The following GRIA1 variants were observed in gnomAD, a reference collection of about 807,000 sequenced individuals.
GRIA1 encodes the protein glutamate ionotropic receptor AMPA type subunit 1, also known as glutamate receptor 1.
GRIA1 carries 31 observed loss-of-function variants against 99.2 expected under a neutral mutation model. That is an observed-to-expected ratio of 0.31 (90% CI 0.23 to 0.42). The LOEUF (loss-of-function observed/expected upper bound fraction) is 0.42, where lower values mean the gene tolerates loss of function less well. Ranked by LOEUF, GRIA1 falls within the 10% of genes least tolerant of loss-of-function variation. GRIA1 has a pLI of 1.00. For synonymous variants in GRIA1, 438 were observed against 432.4 expected (o/e 1.01, Z -0.16); for missense variants, 782 against 1,157.5 (o/e 0.68, Z 4.71).
intron 12 of GRIA1, among the ~76,000 whole-genome samples, chr5:153,769,078 A>T (rs781455289): frequency 5.9e-5 from 9 of 152,186 alleles, no homozygotes; most frequent in Admixed American, 1.3e-4. Context: ...TAGCTTCCAC[A>T]TACTTGAGAC....
intron 13 of GRIA1, among the ~76,000 whole-genome samples, chr5:153,774,433 A>C (rs2149625285): frequency 6.6e-6 from 1 of 152,312 alleles, no homozygotes; most frequent in Non-Finnish European, 1.5e-5. Context: ...ACTACTCACA[A>C]GGCTGCAAAC....
Position 153,709,127 on chromosome 5 carries a change from C to T in GRIA1, c.1823+3060C>T, listed in dbSNP as rs1479898553. On this transcript the variant is annotated intron_variant, in intron 11 of 15. Transcript: ENST00000285900. ...TAGAGACTAAGAAGACAATGAAAAA[C>T]ATCAGTAGAAACTTTTGTTGTCATT... 4.6e-5 allele frequency among the ~76,000 whole-genome samples: 7 copies of T among 152,320 alleles called. No homozygotes were observed. The East Asian group carries it at 7.7e-4, about 17-fold the overall frequency.
At chr5:153,713,647 T>G (rs1414049044) in intron 11 of GRIA1, among the ~76,000 whole-genome samples, 1 of 152,206 alleles carries the variant, frequency 6.6e-6, no homozygotes, top group Non-Finnish European at 1.5e-5. Flanking sequence ...AATGAAACCA[T>G]CATTTTCTGT....
chr5:153,590,712 C>T (rs1429996998), intron 2 of GRIA1, among the ~76,000 whole-genome samples: 1 of 152,098 alleles, frequency 6.6e-6, no homozygotes, highest in Non-Finnish European at 1.5e-5. Flanking sequence ...GAAACAAGGG[C>T]ATCCTTATTT....
At chr5:153,753,892 A>C (rs1489069390) in intron 11 of GRIA1, among the ~76,000 whole-genome samples, 1 of 152,174 alleles carries the variant, frequency 6.6e-6, no homozygotes, top group East Asian at 1.9e-4. Flanking sequence ...CATAAAAAGT[A>C]ATGCTTTGTG....
At chr5:153,523,777 C>A (rs189102586) in intron 2 of GRIA1, among the ~76,000 whole-genome samples, 18 of 152,226 alleles carry the variant, frequency 1.2e-4, no homozygotes, top group Admixed American at 1.2e-3. Flanking sequence ...ATAGCTGTGT[C>A]CCTAGTATCA....
chr5:153,594,077 C>A (rs1484013752), intron 2 of GRIA1, among the ~76,000 whole-genome samples: 1 of 152,080 alleles, frequency 6.6e-6, no homozygotes, highest in Admixed American at 6.6e-5. Context: ...TTAAAAAGTC[C>A]AATGTTATTC....
intron 11 of GRIA1, among the ~76,000 whole-genome samples, chr5:153,738,609 G>T (rs78879239): frequency 0.016 from 2,372 of 151,680 alleles, 64 homozygotes; most frequent in African/African-American, 0.054. Flanking sequence ...TCTACCTCCT[G>T]ATTCCATTTG....
At chr5:153,689,036 CT>C (rs555242980) in intron 8 of GRIA1, among the ~76,000 whole-genome samples, 128 of 151,036 alleles carry the variant, frequency 8.5e-4, no homozygotes, top group Non-Finnish European at 1.5e-3. Flanking sequence ...TTCTTTCTTT[CT>C]TTCTTTTTTG....
At chr5:153,552,411 T>C (rs1357759916) in intron 2 of GRIA1, among the ~76,000 whole-genome samples, 1 of 152,104 alleles carries the variant, frequency 6.6e-6, no homozygotes, top group Non-Finnish European at 1.5e-5. Flanking sequence ...TAAAGGTATT[T>C]CAATTAGTGG....
intron 5 of GRIA1, among the ~76,000 whole-genome samples, chr5:153,659,207 T>C (rs1332241245): frequency 6.6e-6 from 1 of 152,220 alleles, no homozygotes; most frequent in Non-Finnish European, 1.5e-5. Context: ...GGAAAATTCT[T>C]ACTTCACATA....
At chr5:153,678,530 A>G (rs373347145) in intron 7 of GRIA1, among the ~76,000 whole-genome samples, 9 of 152,288 alleles carry the variant, frequency 5.9e-5, no homozygotes, top group African/African-American at 2.2e-4. Flanking sequence ...GGCAGCTTGC[A>G]GGGGAAAATT....
chr5:153,597,554 G>T (rs150096702), intron 2 of GRIA1, among the ~76,000 whole-genome samples: 1 of 152,260 alleles, frequency 6.6e-6, no homozygotes, highest in African/African-American at 2.4e-5. Context: ...TTGCTTCAGA[G>T]GATGATTGAG....
intron 2 of GRIA1, among the ~76,000 whole-genome samples, chr5:153,579,912 G>T (rs1299515744): frequency 6.6e-6 from 1 of 150,962 alleles, no homozygotes; most frequent in Non-Finnish European, 1.5e-5. Flanking sequence ...AAAAAAAACA[G>T]GATCCTGAGC....
chr5:153,805,861 G>T (rs1022158272), intron 15 of GRIA1, among the ~76,000 whole-genome samples: 1 of 152,140 alleles, frequency 6.6e-6, no homozygotes, highest in Non-Finnish European at 1.5e-5. Context: ...TTAATATAAT[G>T]TCTTCCACCA....
chr5:153,691,085 T>C (rs1413305148), intron 8 of GRIA1, among the ~76,000 whole-genome samples: 2 of 152,186 alleles, frequency 1.3e-5, no homozygotes, highest in African/African-American at 4.8e-5. Context: ...TCTAGGTACC[T>C]GGATACAATT....
chr5:153,499,690 C>T (rs968670911), intron 2 of GRIA1, among the ~76,000 whole-genome samples: 4 of 146,422 alleles, frequency 2.7e-5, no homozygotes, highest in African/African-American at 7.6e-5. Flanking sequence ...AATAGCCCAA[C>T]GGTAGAAGTG....
intron 11 of GRIA1, among the ~76,000 whole-genome samples, chr5:153,727,242 A>C (rs1212207246): frequency 6.6e-6 from 1 of 152,212 alleles, no homozygotes; most frequent in African/African-American, 2.4e-5. Flanking sequence ...ATCTCAAAAT[A>C]ATAAGAGCTA....
In GRIA1 at chr5:153,775,825, A is replaced by C. The variant is rs921126499; in HGVS notation, c.2270+5410A>C. Among the ~76,000 whole-genome samples, 9 of 149,990 alleles carry C rather than the reference A, an allele frequency of 6.0e-5. No individual in the cohort carries two copies. In the East Asian group the frequency reaches 1.7e-3, roughly 29 times the overall value. ...TGCAATGGTGGAAGAATTGTGGAAG[A>C]ATTGTGATAGATGGGAAGTGGGGAG... On this transcript the variant is annotated intron_variant, in intron 13 of 15. Transcript: ENST00000285900.
Sources: allele counts gnomAD v4.1 joint callset (sites outside exome capture counted in the v4.1 genomes callset), GRCh38; gene constraint gnomAD v4.1.1; transcripts MANE v1.5; gene names NCBI Gene and HGNC (gene_info 2026-07-23, HGNC 2026-07-21).